The following DSC1 variants were observed in gnomAD, a reference collection of about 807,000 sequenced individuals.
The protein encoded by DSC1 is desmocollin-1.
Under a neutral mutation model 98.8 loss-of-function variants are expected in DSC1, and 79 were observed. The observed-to-expected ratio is 0.80, with a 90% confidence interval of 0.67 to 0.96. The LOEUF is 0.96. Among genes scored for constraint, DSC1 ranks in the 50% least tolerant of loss-of-function variants. The pLI is 0.00. For synonymous variants in DSC1, 405 were observed against 372.1 expected, an observed-to-expected ratio of 1.09 and a Z score of -1.02; for missense variants, 1,115 against 1,075.9, an observed-to-expected ratio of 1.04 and a Z score of -0.51.
In DSC1 at chr18:31,142,106, T is replaced by A. The variant is rs1988750090; in HGVS notation, c.1153A>T (p.Thr385Ser). ...MKVQDQDLPN[T>S]PHSKAVYKIL... ...TTGTATACAGCCTTTGAGTGAGGAGTGTTTGGCAAATCCTGATCCTGTACC... is the reference window on the plus strand; with the variant it reads ...TTGTATACAGCCTTTGAGTGAGGAGAGTTTGGCAAATCCTGATCCTGTACC... The change falls in exon 9 of 16, where the codon ACT (threonine) becomes TCT (serine). Residue 385 changes from threonine (T) to serine (S), a missense_variant. Coordinates refer to ENST00000257198, the MANE Select transcript of DSC1 (RefSeq NM_024421.2). 1 of 1,613,132 alleles carries A rather than the reference T, an allele frequency of 6.2e-7. No homozygotes were observed. Among genetic ancestry groups the A allele is most frequent in the Non-Finnish European group, 8.5e-7 (1 of 1,179,708 alleles).
In DSC1 at chr18:31,130,662, T is replaced by C; in HGVS notation, c.2537A>G (p.Tyr846Cys). 6.2e-7 allele frequency: 1 copy of C among 1,614,162 alleles called. No individual in the cohort carries two copies. The highest frequency in any genetic ancestry group is 1.7e-5 in the Admixed American group (1 of 60,006). ...QDEEHKHCED[Y>C]VCSYNYEGKG... is the part of the protein sequence containing the mutation. ...GCCTTCATAGTTATACGAACAAACG[T>C]AGTCTTCACAATGTTTATGCTCCTC... Residue 846 changes from tyrosine (Y) to cysteine (C), a missense_variant, in exon 16 of 16, where the codon TAC (tyrosine) becomes TGC (cysteine). Coordinates refer to ENST00000257198, the MANE Select transcript of DSC1 (RefSeq NM_024421.2).
chr18:31,134,791 T>C lies in DSC1; in HGVS notation c.1664-7A>G, dbSNP rs1988575620. 1 of 1,601,690 alleles carries C rather than the reference T, an allele frequency of 6.2e-7. No individual in the cohort carries two copies. On this transcript the variant is annotated splice_polypyrimidine_tract_variant and splice_region_variant and intron_variant, in intron 11 of 15. Coordinates refer to ENST00000257198, the MANE Select transcript of DSC1 (RefSeq NM_024421.2). ...CCAGTGCAAGATCGGCCAACTAAGA[T>C]TAATTAAAAATAGGTTATTTCTTCA...
rs1988468472 is a variant in DSC1 at position 31,130,694 on chromosome 18, T to C, written c.2505A>G (p.Gly835=). The C allele has an allele frequency of 1.2e-6, 2 of 1,614,032 alleles. No individual in the cohort carries two copies. The highest frequency in any genetic ancestry group is 1.3e-5 in the African/African-American group (1 of 74,914). The part of the protein sequence containing the change: ...PRLGEKVYLC[G]QDEEHKHCED... ...CACAATGTTTATGCTCCTCATCTTGTCCACACAAATACACCTTCTGTATCA... is the reference window on the plus strand; with the variant it reads ...CACAATGTTTATGCTCCTCATCTTGCCCACACAAATACACCTTCTGTATCA... Residue 835 remains glycine, a synonymous_variant, in exon 16 of 16, where the codon GGA becomes GGG. Transcript: ENST00000257198.
intron 2 of DSC1, among the ~76,000 whole-genome samples, chr18:31,159,105 C>T (rs1989159773): frequency 1.2e-5 from 1 of 82,186 alleles, no homozygotes; most frequent in South Asian, 3.6e-4. Flanking sequence ...GGACTGCGGA[C>T]TGCAGTGGCG....
At position 31,148,347 on chromosome 18, in the gene DSC1, A is replaced by C. The variant is rs1281443151; in HGVS notation, c.772+151T>G. 1.2e-5 allele frequency: 11 copies of C among 933,396 alleles called. No individual in the cohort carries two copies. In the South Asian group the frequency reaches 3.1e-4, roughly 26 times the overall value. 57.8% of individuals were successfully genotyped at this position (933,396 alleles called of 1,614,324 possible). A position where few individuals can be genotyped will look rare whatever the true frequency, so the allele number is the denominator to read the frequency against. On this transcript the variant is annotated intron_variant, in intron 6 of 15. Transcript: ENST00000257198. Reference sequence around the variant, plus strand: ...CCACCCTTAATAGCAATGTCATATAACATCAATTCCTAATGGGAAAAAAAG... The same window carrying C: ...CCACCCTTAATAGCAATGTCATATACCATCAATTCCTAATGGGAAAAAAAG...
At chr18:31,131,475 T>C in intron 15 of DSC1, 119 bp downstream of exon 15, 3 of 1,292,040 alleles carry the variant, frequency 2.3e-6, no homozygotes, top group Non-Finnish European at 3.2e-6. Flanking sequence ...TCTATGATAA[T>C]CCAACAGGTA....
At chr18:31,150,536 T>C (rs1359180506) in intron 5 of DSC1, among the ~76,000 whole-genome samples, 3 of 27,482 alleles carry the variant, frequency 1.1e-4, no homozygotes, top group East Asian at 6.5e-4. Context: ...TCATCACCGC[T>C]ACCACTACCA....
intron 15 of DSC1, 37 bp from the exon 16 acceptor site, chr18:31,130,748 A>G (rs1988470092): frequency 6.2e-7 from 1 of 1,612,078 alleles, no homozygotes; most frequent in Non-Finnish European, 8.5e-7. Context: ...TATTTTTTAA[A>G]AAACACCTAA....
chr18:31,140,386 C>T, intron 9 of DSC1, 85 bp from the exon 10 acceptor site: 4 of 1,350,762 alleles, frequency 3.0e-6, no homozygotes, highest in Non-Finnish European at 4.0e-6. Flanking sequence ...AAAGGAATAT[C>T]ATTTTTACAT....
intron 1 of DSC1, among the ~76,000 whole-genome samples, chr18:31,161,043 GA>G (rs1989198860): frequency 6.6e-6 from 1 of 152,048 alleles, no homozygotes; most frequent in African/African-American, 2.4e-5. Flanking sequence ...TATACACCAT[GA>G]TTTATATATG....
rs76440929 is a variant in DSC1, at chr18:31,148,360, A to G, written c.772+138T>C. 9.5e-4 allele frequency: 1,043 copies of G among 1,099,254 alleles called. 10 individuals carry two copies. The African/African-American group carries it at 0.015, about 15-fold the overall frequency. 68.1% of individuals were successfully genotyped at this position (1,099,254 alleles called of 1,614,324 possible). A position where few individuals can be genotyped will look rare whatever the true frequency, so the allele number is the denominator to read the frequency against. On this transcript the variant is annotated intron_variant, in intron 6 of 15. Transcript: ENST00000257198. ...CAATGTCATATAACATCAATTCCTA[A>G]TGGGAAAAAAAGTGTATGTAATCAG...
chr18:31,136,831 A>G (rs1317897712), intron 11 of DSC1, among the ~76,000 whole-genome samples: 6 of 152,168 alleles, frequency 3.9e-5, no homozygotes, highest in African/African-American at 1.4e-4. Flanking sequence ...CAAAAATTAC[A>G]AGAGGTTGAT....
chr18:31,145,084 C>T (rs1988818471), intron 7 of DSC1, among the ~76,000 whole-genome samples: 1 of 151,850 alleles, frequency 6.6e-6, no homozygotes, highest in South Asian at 2.1e-4. Context: ...GGACTACAGG[C>T]GCCCGCCACC....
intron 11 of DSC1, among the ~76,000 whole-genome samples, chr18:31,137,965 ATGTGTGTGTGTGTGTGTG>A (rs201493651): frequency 1.4e-5 from 2 of 141,530 alleles, no homozygotes; most frequent in Non-Finnish European, 3.1e-5. Context: ...TCAGAGCAAA[ATGTGTGTGTGTGTGTGTG>A]TGTGTGTGTG....
chr18:31,131,859 A>G lies in DSC1; in HGVS notation c.2239-17T>C, dbSNP rs1186681983. ...ATTTGCTTCCTAAAAGTAAAGTGAG[A>G]GTGATAAAGTGAATTTGAAAAATGG... is the stretch of plus-strand genomic sequence containing the variant. On this transcript the variant is annotated splice_polypyrimidine_tract_variant and intron_variant, in intron 14 of 15. Transcript: ENST00000257198. 1 of 1,608,930 alleles carries G rather than the reference A, an allele frequency of 6.2e-7. No homozygotes were observed. The highest frequency in any genetic ancestry group is 2.2e-5 in the East Asian group (1 of 44,802).
chr18:31,140,957 C>T (rs1052026767), intron 9 of DSC1, among the ~76,000 whole-genome samples: 1 of 152,114 alleles, frequency 6.6e-6, no homozygotes, highest in Admixed American at 6.6e-5. Flanking sequence ...GTGAATAAGT[C>T]TCGCAGGAGC....
intron 14 of DSC1, chr18:31,132,142 T>C (rs1325167589): frequency 4.9e-6 from 2 of 411,650 alleles, no homozygotes; most frequent in Non-Finnish European, 8.9e-6. Flanking sequence ...ATATAATCAG[T>C]ATCCTTATAA....
At chr18:31,151,215 C>T (rs1324570635) in intron 5 of DSC1, among the ~76,000 whole-genome samples, 1 of 152,156 alleles carries the variant, frequency 6.6e-6, no homozygotes, top group East Asian at 1.9e-4. Context: ...ATTTCACATT[C>T]CGCTGACTCA....
chr18:31,162,715 G>A lies in DSC1; in HGVS notation c.-121C>T. On this transcript the variant is annotated 5_prime_UTR_variant, in exon 1 of 16. Transcript: ENST00000257198. ...ATTCTGCTGCCACCTTGATGCAGCT[G>A]AGCTTGGTTTGGAAGACAGTCCGGA... 1 of 830,554 alleles carries A rather than the reference G, an allele frequency of 1.2e-6. No individual in the cohort carries two copies. The highest frequency in any genetic ancestry group is 2.0e-6 in the Non-Finnish European group (1 of 503,958). 51.4% of individuals were successfully genotyped at this position (830,554 alleles called of 1,614,324 possible).
Sources: allele counts gnomAD v4.1 joint callset (sites outside exome capture counted in the v4.1 genomes callset), GRCh38; gene constraint gnomAD v4.1.1; transcripts MANE v1.5; gene names NCBI Gene and HGNC (gene_info 2026-07-23, HGNC 2026-07-21).